Variants in LRRC4C observed in about 807,000 individuals in gnomAD.
LRRC4C encodes leucine-rich repeat-containing protein 4C.
In LRRC4C, 5 loss-of-function variants were observed where a neutral mutation model predicts 33.6. That is an observed-to-expected ratio of 0.15 (90% confidence interval 0.08 to 0.31). The LOEUF (loss-of-function observed/expected upper bound fraction) is 0.31. LRRC4C is among the 10% of genes least tolerant of loss of function. LRRC4C has a pLI of 1.00. For synonymous variants in LRRC4C, 329 were observed against 302.0 expected (o/e 1.09, Z -0.93); for missense variants, 560 against 796.7 (o/e 0.70, Z 3.58).
At chr11:41,267,916 A>T (rs1270832273) in intron 1 of LRRC4C, among the ~76,000 whole-genome samples, 3 of 152,072 alleles carry the variant, frequency 2.0e-5, no homozygotes, top group Non-Finnish European at 4.4e-5. Context: ...ATAATACACA[A>T]ATATTTCCTG....
chr11:40,897,345 T>G (rs1955991084), intron 2 of LRRC4C, among the ~76,000 whole-genome samples: 1 of 152,162 alleles, frequency 6.6e-6, no homozygotes, highest in East Asian at 1.9e-4. Context: ...ATGGTTTCCC[T>G]GGAATTCAAA....
At chr11:41,202,445 A>T (rs998624329) in intron 1 of LRRC4C, among the ~76,000 whole-genome samples, 1 of 152,280 alleles carries the variant, frequency 6.6e-6, no homozygotes, top group Non-Finnish European at 1.5e-5. Context: ...ATTCTCTTTT[A>T]TTATCTGTCA....
chr11:41,375,214 G>C (rs899979657), intron 1 of LRRC4C, among the ~76,000 whole-genome samples: 8 of 152,114 alleles, frequency 5.3e-5, no homozygotes, highest in African/African-American at 1.7e-4. Context: ...GTGTGACAGG[G>C]TTAAACATTA....
At chr11:41,196,342 T>A (rs1348964030) in intron 1 of LRRC4C, among the ~76,000 whole-genome samples, 1 of 152,084 alleles carries the variant, frequency 6.6e-6, no homozygotes, top group Non-Finnish European at 1.5e-5. Flanking sequence ...TCCTTCATTT[T>A]CTAGATGAGG....
chr11:40,887,817 T>A (rs1955531857), intron 2 of LRRC4C, among the ~76,000 whole-genome samples: 1 of 152,028 alleles, frequency 6.6e-6, no homozygotes, highest in African/African-American at 2.4e-5. Context: ...TTGTAAATAT[T>A]TTTATAGCTT....
At chr11:40,806,923 GGAGA>G (rs1268388856) in intron 2 of LRRC4C, among the ~76,000 whole-genome samples, 2 of 151,980 alleles carry the variant, frequency 1.3e-5, no homozygotes, top group East Asian at 3.9e-4. Flanking sequence ...AAAATTAAGA[GGAGA>G]GAGTTTTTGC....
intron 1 of LRRC4C, among the ~76,000 whole-genome samples, chr11:41,279,220 C>G (rs911458994): frequency 6.6e-6 from 1 of 152,038 alleles, no homozygotes; most frequent in East Asian, 1.9e-4. Flanking sequence ...TGATGGGCAT[C>G]TAGGTTGATT....
chr11:41,209,784 G>A (rs1946747062), intron 1 of LRRC4C, among the ~76,000 whole-genome samples: 1 of 152,132 alleles, frequency 6.6e-6, no homozygotes, highest in South Asian at 2.1e-4. Context: ...GACGACAGAA[G>A]GTAAAATGTT....
In LRRC4C at chr11:40,495,813, G is replaced by GTTTTTTTT. The variant is rs77683172; in HGVS notation, c.-270+152321_-270+152328dup. 4.5e-3 allele frequency among the ~76,000 whole-genome samples: 301 copies of GTTTTTTTT among 66,978 alleles called. 89 individuals are homozygous for GTTTTTTTT. Among genetic ancestry groups the GTTTTTTTT allele is most frequent in the Non-Finnish European group, 5.8e-3 (211 of 36,090 alleles). The allele number at this position is 66,978 out of a possible 152,430, so 43.9% of individuals were successfully genotyped here. The stretch of plus-strand genomic sequence containing the variant: ...TTTTATTGAAGTTCTCAATAAACAT[G>GTTTTTTTT]TTTTTTTTTTTTTTTTTTTTTTTTT... On this transcript the variant is annotated intron_variant, in intron 3 of 6. Coordinates refer to ENST00000528697, the MANE Select transcript of LRRC4C (RefSeq NM_001258419.2).
intron 4 of LRRC4C, among the ~76,000 whole-genome samples, chr11:40,291,230 G>A (rs985382163): frequency 6.6e-5 from 10 of 152,090 alleles, no homozygotes; most frequent in Admixed American, 1.3e-4. Flanking sequence ...AGGGGAGGAG[G>A]GAAGGTGATC....
intron 3 of LRRC4C, among the ~76,000 whole-genome samples, chr11:40,616,233 T>C (rs1432692420): frequency 6.6e-6 from 1 of 151,876 alleles, no homozygotes; most frequent in Non-Finnish European, 1.5e-5. Context: ...CCAGTTAGAA[T>C]GGCGATCATT....
intron 3 of LRRC4C, among the ~76,000 whole-genome samples, chr11:40,564,365 T>C (rs539744493): frequency 6.6e-6 from 1 of 152,296 alleles, no homozygotes; most frequent in South Asian, 2.1e-4. Flanking sequence ...GTCTAGAAGA[T>C]GCCCTAGAAG....
intron 1 of LRRC4C, among the ~76,000 whole-genome samples, chr11:40,965,132 C>A (rs1048294545): frequency 6.6e-6 from 1 of 152,100 alleles, no homozygotes; most frequent in Non-Finnish European, 1.5e-5. Context: ...TGATGATGAG[C>A]ATTTTTCATG....
intron 2 of LRRC4C, among the ~76,000 whole-genome samples, chr11:40,782,042 A>C (rs1565054942): frequency 6.6e-6 from 1 of 152,128 alleles, no homozygotes; most frequent in Admixed American, 6.5e-5. Context: ...CTTTCATTTA[A>C]TTTCAAGCCA....
intron 1 of LRRC4C, among the ~76,000 whole-genome samples, chr11:40,999,942 C>T (rs1484042057): frequency 6.6e-6 from 1 of 152,026 alleles, no homozygotes; most frequent in Non-Finnish European, 1.5e-5. Context: ...CATGCAGACA[C>T]ATCCAGCATG....
intron 4 of LRRC4C, among the ~76,000 whole-genome samples, chr11:40,275,864 G>C (rs1943065079): frequency 6.6e-6 from 1 of 152,170 alleles, no homozygotes; most frequent in South Asian, 2.1e-4. Context: ...CTATATGTAA[G>C]GCATGAAGGT....
At chr11:41,371,992 C>T (rs1323439658) in intron 1 of LRRC4C, among the ~76,000 whole-genome samples, 1 of 152,138 alleles carries the variant, frequency 6.6e-6, no homozygotes, top group East Asian at 1.9e-4. Context: ...AAGAAATTAG[C>T]CAGGCGTAGT....
chr11:40,127,683 G>C (rs985330599), intron 6 of LRRC4C, among the ~76,000 whole-genome samples: 9 of 152,270 alleles, frequency 5.9e-5, no homozygotes, highest in African/African-American at 2.2e-4. Context: ...TATTGCTTTA[G>C]AATGAATGGA....
At chr11:40,153,774 C>T (rs1035939815) in intron 5 of LRRC4C, among the ~76,000 whole-genome samples, 2 of 152,004 alleles carry the variant, frequency 1.3e-5, no homozygotes, top group African/African-American at 4.8e-5. Flanking sequence ...ATGAATAAAA[C>T]TTCCAAGAAG....
Sources: gnomAD v4.1 joint callset for allele counts (sites outside exome capture counted in the v4.1 genomes callset) on GRCh38, gnomAD v4.1.1 for gene constraint, MANE v1.5 for transcripts, NCBI Gene and HGNC (gene_info 2026-07-23, HGNC 2026-07-21) for gene names.